RAB7B: variants seen among roughly 807,000 people sequenced by gnomAD.
RAB7B encodes the protein RAB7B, member RAS oncogene family.
rs935641214 is a variant in RAB7B at position 205,999,251 on chromosome 1, G to A, written c.-17+4002C>T. On this transcript the variant is annotated intron_variant, in intron 1 of 5. Coordinates refer to ENST00000617070, the MANE Select transcript of RAB7B (RefSeq NM_001164522.3). ...GTGTGTGTGAGACATATAACAGGTC[G>A]CTATGCACAATGTGTAAGGCACTCA... 3.7e-4 allele frequency among the ~76,000 whole-genome samples: 57 copies of A among 152,240 alleles called. No homozygotes were observed. The Middle Eastern group carries it at 0.01, about 27-fold the overall frequency.
At chr1:206,001,297 G>C (rs1660887389) in intron 1 of RAB7B, among the ~76,000 whole-genome samples, 20 of 149,146 alleles carry the variant, frequency 1.3e-4, no homozygotes, top group Non-Finnish European at 3.0e-5. Flanking sequence ...TTTTAGAATT[G>C]AAGTTTTTTA....
rs1368248552 is a variant in RAB7B, at chr1:205,993,046, G to A, written c.181-351C>T. Among the ~76,000 whole-genome samples the A allele has an allele frequency of 4.6e-5, 7 of 152,316 alleles. No individual in the cohort carries two copies. The South Asian group carries it at 1.5e-3, about 32-fold the overall frequency. On this transcript the variant is annotated intron_variant, in intron 3 of 5. Coordinates refer to ENST00000617070, the MANE Select transcript of RAB7B (RefSeq NM_001164522.3). ...AGGTTTTCCAGAGAACCTGAGACTAGGCGTGGGGTCTCTCAACTCCTGGAT... is the reference window on the plus strand; with the variant it reads ...AGGTTTTCCAGAGAACCTGAGACTAAGCGTGGGGTCTCTCAACTCCTGGAT...
chr1:206,001,277 CT>C (rs1263017651), intron 1 of RAB7B, among the ~76,000 whole-genome samples: 16,610 of 144,696 alleles, frequency 0.11, 1,475 homozygotes, highest in African/African-American at 0.26. Flanking sequence ...CAGTAGCCGT[CT>C]TTTTTTTTTT....
intron 5 of RAB7B, among the ~76,000 whole-genome samples, chr1:205,979,492 G>A (rs1228122413): frequency 1.3e-5 from 2 of 151,964 alleles, no homozygotes; most frequent in African/African-American, 4.8e-5. Flanking sequence ...GCCCCTTCTC[G>A]GTCTGCCAAG....
chr1:205,982,125 C>T (rs1660506264), intron 5 of RAB7B, among the ~76,000 whole-genome samples: 6 of 152,358 alleles, frequency 3.9e-5, no homozygotes, highest in Non-Finnish European at 2.9e-5. Context: ...ACGTTTCCAC[C>T]TGGTGTCTCG....
At chr1:205,997,094 G>A (rs1448609862) in intron 1 of RAB7B, among the ~76,000 whole-genome samples, 9 of 152,338 alleles carry the variant, frequency 5.9e-5, no homozygotes, top group African/African-American at 1.9e-4. Flanking sequence ...TGGAGTTGGT[G>A]GCACTGGAAC....
In RAB7B at chr1:205,977,470, G is replaced by A. The variant is rs1660402711; in HGVS notation, c.*1381C>T. 1 of 152,166 alleles carries A rather than the reference G, an allele frequency of 6.6e-6. No homozygotes were observed. Among genetic ancestry groups the A allele is most frequent in the Non-Finnish European group, 1.5e-5 (1 of 68,026 alleles). The allele number at this position is 152,166 out of a possible 1,614,324, so 9.4% of individuals were successfully genotyped here. On this transcript the variant is annotated 3_prime_UTR_variant, in exon 6 of 6. Transcript: ENST00000617070. ...CCCAAAGGGCTAAACATGCCTCCAAGCCCATGAACAAGCTTTGAGCATCTG... is the reference window on the plus strand; with the variant it reads ...CCCAAAGGGCTAAACATGCCTCCAAACCCATGAACAAGCTTTGAGCATCTG...
chr1:205,988,342 G>T (rs935993758), intron 4 of RAB7B, among the ~76,000 whole-genome samples: 1,492 of 148,960 alleles, frequency 0.01, 21 homozygotes, highest in African/African-American at 0.035. Flanking sequence ...GATCCTCCCA[G>T]CTCAGCCTTC....
chr1:205,993,849 T>A (rs1199009752), intron 2 of RAB7B, among the ~76,000 whole-genome samples: 1 of 152,214 alleles, frequency 6.6e-6, no homozygotes, highest in Non-Finnish European at 1.5e-5. Context: ...CTAAATGGCT[T>A]GCCTAATTCA....
At chr1:205,989,825 ACTCC>A (rs1378836886) in intron 4 of RAB7B, among the ~76,000 whole-genome samples, 1 of 151,430 alleles carries the variant, frequency 6.6e-6, no homozygotes, top group Non-Finnish European at 1.5e-5. Flanking sequence ...CCCACCTCAA[ACTCC>A]CAGTCTCCTC....
intron 1 of RAB7B, among the ~76,000 whole-genome samples, chr1:206,000,489 A>G (rs1444710112): frequency 1.3e-5 from 2 of 152,220 alleles, no homozygotes; most frequent in Non-Finnish European, 2.9e-5. Flanking sequence ...TCCTGGCTCC[A>G]CACATTTGTG....
At position 205,996,122 on chromosome 1, in the gene RAB7B, A is replaced by C. The variant is rs1230154094; in HGVS notation, c.-16-1971T>G. Among the ~76,000 whole-genome samples, 8 of 144,606 alleles carry C rather than the reference A, an allele frequency of 5.5e-5. No individual in the cohort carries two copies. In the East Asian group the frequency reaches 1.6e-3, roughly 29 times the overall value. 94.9% of individuals were successfully genotyped at this position (144,606 alleles called of 152,430 possible). A position where few individuals can be genotyped will look rare whatever the true frequency, so the allele number is the denominator to read the frequency against. On this transcript the variant is annotated intron_variant, in intron 1 of 5. Transcript: ENST00000617070. ...TTTACAATAAATATGTCTTGTTCCT[A>C]TAAGAGAAATGTAAATGTATAGTGT...
intron 5 of RAB7B, among the ~76,000 whole-genome samples, chr1:205,981,233 C>T (rs1660485343): frequency 6.6e-6 from 1 of 152,172 alleles, no homozygotes; most frequent in South Asian, 2.1e-4. Context: ...AAAACCTCAC[C>T]ACCCCATATC....
At chr1:206,000,525 G>A (rs1231814635) in intron 1 of RAB7B, among the ~76,000 whole-genome samples, 2 of 152,206 alleles carry the variant, frequency 1.3e-5, no homozygotes, top group Non-Finnish European at 2.9e-5. Context: ...CTGAACCTTG[G>A]GGCGTCTGTT....
intron 4 of RAB7B, among the ~76,000 whole-genome samples, 183 bp from the exon 5 acceptor site, chr1:205,985,848 T>TCCCCACCAGGCCCACCAGG (rs1571792921): frequency 3.1e-4 from 2 of 6,374 alleles, no homozygotes; most frequent in African/African-American, 4.9e-4. Flanking sequence ...CCACCACCAC[T>TCCCCACCAGGCCCACCAGG]CCCATTTATT....
At chr1:205,998,636 A>G (rs1660845327) in intron 1 of RAB7B, among the ~76,000 whole-genome samples, 2 of 152,218 alleles carry the variant, frequency 1.3e-5, no homozygotes, top group Non-Finnish European at 1.5e-5. Flanking sequence ...TGCTAGGCAG[A>G]GGGCAATGCT....
At chr1:205,999,810 C>T (rs1400178988) in intron 1 of RAB7B, among the ~76,000 whole-genome samples, 1 of 152,122 alleles carries the variant, frequency 6.6e-6, no homozygotes, top group Non-Finnish European at 1.5e-5. Context: ...TTCTTTTGCC[C>T]AGGCTGGAGT....
intron 5 of RAB7B, among the ~76,000 whole-genome samples, chr1:205,981,637 G>C (rs1320913610): frequency 7.1e-6 from 1 of 140,690 alleles, no homozygotes; most frequent in African/African-American, 2.7e-5. Context: ...AACACCTACT[G>C]TGGTCTCTTT....
chr1:206,000,312 T>A (rs2102256377), intron 1 of RAB7B, among the ~76,000 whole-genome samples: 1 of 152,348 alleles, frequency 6.6e-6, no homozygotes, highest in South Asian at 2.1e-4. Flanking sequence ...GTTTTGTAAT[T>A]TAAGAATATC....
Sources: gnomAD v4.1 joint callset for allele counts (sites outside exome capture counted in the v4.1 genomes callset) on GRCh38, gnomAD v4.1.1 for gene constraint, MANE v1.5 for transcripts, NCBI Gene and HGNC (gene_info 2026-07-23, HGNC 2026-07-21) for gene names.